DAPP1: variants seen among roughly 807,000 people sequenced by gnomAD.
The protein encoded by DAPP1 is dual adapter for phosphotyrosine and 3-phosphotyrosine and 3-phosphoinositide.
DAPP1 carries 20 observed loss-of-function variants against 41.5 expected under a neutral mutation model. That is an observed-to-expected ratio of 0.48 (90% CI 0.34 to 0.70). The LOEUF is 0.70. Among genes scored for constraint, DAPP1 ranks in the 30% least tolerant of loss-of-function variants. DAPP1 has a pLI of 0.01. For synonymous variants in DAPP1, 113 were observed against 116.2 expected (o/e 0.97, Z 0.18); for missense variants, 233 against 333.4 (o/e 0.70, Z 2.35).
intron 6 of DAPP1, 45 bp from the exon 7 acceptor site, chr4:99,863,725 T>TG (rs1724321634): frequency 5.6e-6 from 7 of 1,242,202 alleles, no homozygotes; most frequent in Non-Finnish European, 4.5e-6. Flanking sequence ...TCTGTTTTTT[T>TG]TTTTTTTTTT....
At chr4:99,860,388 G>A (rs972180847) in intron 4 of DAPP1, among the ~76,000 whole-genome samples, 10 of 152,208 alleles carry the variant, frequency 6.6e-5, no homozygotes, top group African/African-American at 2.2e-4. Context: ...ATTTTAACCT[G>A]CAACAGCCCA....
chr4:99,841,199 C>A (rs550317655), intron 3 of DAPP1, among the ~76,000 whole-genome samples: 1 of 152,272 alleles, frequency 6.6e-6, no homozygotes, highest in East Asian at 1.9e-4. Context: ...ATAACACAAC[C>A]AGTTACCATG....
At chr4:99,819,904 C>G (rs1722708356) in intron 1 of DAPP1, among the ~76,000 whole-genome samples, 1 of 151,996 alleles carries the variant, frequency 6.6e-6, no homozygotes, top group South Asian at 2.1e-4. Context: ...CTTGCCTTTC[C>G]AGGACATATA....
At chr4:99,842,127 A>C (rs1257634853) in intron 3 of DAPP1, among the ~76,000 whole-genome samples, 1 of 152,208 alleles carries the variant, frequency 6.6e-6, no homozygotes, top group African/African-American at 2.4e-5. Context: ...GATGCGCCAA[A>C]ATAAAGATGT....
chr4:99,837,649 G>A (rs1188628275), intron 2 of DAPP1, among the ~76,000 whole-genome samples: 1 of 152,182 alleles, frequency 6.6e-6, no homozygotes, highest in African/African-American at 2.4e-5. Context: ...CACATCAGAG[G>A]TCCTCAACCT....
rs542554584 is a variant in DAPP1, at chr4:99,816,909, C to T, written c.-5C>T. The stretch of plus-strand genomic sequence containing the variant: ...TCTCTCTCTCTACCTCTGTGAAGGG[C>T]GCGAATGGGCAGAGCAGAACTTCTA... On this transcript the variant is annotated 5_prime_UTR_variant, in exon 1 of 9. Transcript: ENST00000512369. 1.8e-5 allele frequency: 29 copies of T among 1,602,386 alleles called. No homozygotes were observed. The highest frequency in any genetic ancestry group is 1.5e-4 in the South Asian group (13 of 88,636).
chr4:99,866,527 A>G, intron 8 of DAPP1: 1 of 764,760 alleles, frequency 1.3e-6, no homozygotes, highest in Non-Finnish European at 2.4e-6. Flanking sequence ...CACTTAGCTT[A>G]GTTTCCAATG....
chr4:99,856,275 A>G (rs1248532361), intron 4 of DAPP1, among the ~76,000 whole-genome samples: 1 of 152,170 alleles, frequency 6.6e-6, no homozygotes, highest in Non-Finnish European at 1.5e-5. Context: ...AAGAAAAAGT[A>G]GGATAAGGGG....
At chr4:99,855,756 C>A (rs1724024158) in intron 4 of DAPP1, among the ~76,000 whole-genome samples, 1 of 152,162 alleles carries the variant, frequency 6.6e-6, no homozygotes, top group Non-Finnish European at 1.5e-5. Context: ...CCTTATTGAA[C>A]ACAAGTTCTA....
intron 3 of DAPP1, among the ~76,000 whole-genome samples, chr4:99,849,438 G>C (rs1255371911): frequency 6.6e-6 from 1 of 152,152 alleles, no homozygotes; most frequent in Non-Finnish European, 1.5e-5. Context: ...TCAAGTGGTA[G>C]GGATACAAAG....
downstream of DAPP1, among the ~76,000 whole-genome samples, chr4:99,871,349 G>T (rs1300081068): frequency 6.6e-6 from 1 of 152,034 alleles, no homozygotes; most frequent in Non-Finnish European, 1.5e-5. Context: ...ATGAATTCAG[G>T]CTGTCTGACC....
chr4:99,838,437 T>C (rs1194253677), intron 2 of DAPP1, among the ~76,000 whole-genome samples: 1 of 152,188 alleles, frequency 6.6e-6, no homozygotes, highest in African/African-American at 2.4e-5. Context: ...GCCACTTTGG[T>C]ACGTGTTGTA....
chr4:99,851,208 CAT>C (rs1414058458), intron 3 of DAPP1, among the ~76,000 whole-genome samples: 5 of 152,194 alleles, frequency 3.3e-5, no homozygotes, highest in South Asian at 4.1e-4. Flanking sequence ...CCCTTCTCCT[CAT>C]ATGACTGGAT....
At position 99,861,644 on chromosome 4, in the gene DAPP1, G is replaced by T; in HGVS notation, c.537+19G>T. ...GGTCAAGGTAAGGAAGTGTGGTTTTGCTCATGCCAGCCACAGAAAAAAGAG... is the reference window on the plus strand; with the variant it reads ...GGTCAAGGTAAGGAAGTGTGGTTTTTCTCATGCCAGCCACAGAAAAAAGAG... On this transcript the variant is annotated intron_variant, in intron 5 of 8. Coordinates refer to ENST00000512369, the MANE Select transcript of DAPP1 (RefSeq NM_014395.3). The T allele has an allele frequency of 6.4e-7, 1 of 1,564,114 alleles. No individual in the cohort carries two copies. Among genetic ancestry groups the T allele is most frequent in the South Asian group, 1.2e-5 (1 of 84,962 alleles).
intron 4 of DAPP1, among the ~76,000 whole-genome samples, chr4:99,858,449 C>T (rs997043735): frequency 6.6e-6 from 1 of 152,190 alleles, no homozygotes; most frequent in African/African-American, 2.4e-5. Context: ...TCAGATGGAA[C>T]ACAATTGCAA....
intron 5 of DAPP1, among the ~76,000 whole-genome samples, chr4:99,861,932 G>C (rs556610084): frequency 6.6e-6 from 1 of 152,122 alleles, no homozygotes; most frequent in African/African-American, 2.4e-5. Flanking sequence ...AACATCTTTC[G>C]TTCTTCTTCT....
chr4:99,870,067 T>G lies in DAPP1; in HGVS notation c.*1882T>G, dbSNP rs1003493980. On this transcript the variant is annotated 3_prime_UTR_variant, in exon 9 of 9. Transcript: ENST00000512369. ...TGGGTAATATTGTGTTTTACTATGT[T>G]TACCTTTTATAAAACATAACCTGTT... The G allele has an allele frequency of 2.6e-5, 4 of 152,226 alleles. No individual in the cohort carries two copies. Among genetic ancestry groups the G allele is most frequent in the African/African-American group, 9.6e-5 (4 of 41,464 alleles). 9.4% of individuals were successfully genotyped at this position (152,226 alleles called of 1,614,324 possible). A position where few individuals can be genotyped will look rare whatever the true frequency, so the allele number is the denominator to read the frequency against.
chr4:99,854,935 T>C lies in DAPP1; in HGVS notation c.489+1587T>C, dbSNP rs2110160176. 2.6e-5 allele frequency among the ~76,000 whole-genome samples: 4 copies of C among 152,350 alleles called. No individual in the cohort carries two copies. The Middle Eastern group carries it at 0.014, about 518-fold the overall frequency. On this transcript the variant is annotated intron_variant, in intron 4 of 8. Transcript: ENST00000512369. ...TGAATCATTGCTTGTCCTTGCAGCTTTACAGCCTAGCCTGGCTCATGGCAC... is the reference window on the plus strand; with the variant it reads ...TGAATCATTGCTTGTCCTTGCAGCTCTACAGCCTAGCCTGGCTCATGGCAC...
In DAPP1 at chr4:99,868,355, T is replaced by TGCCCTTCCATGATGTTGCC. The variant is rs1724535970; in HGVS notation, c.*171_*189dup. 1.6e-6 allele frequency: 1 copy of TGCCCTTCCATGATGTTGCC among 619,504 alleles called. No individual in the cohort carries two copies. The highest frequency in any genetic ancestry group is 2.9e-6 in the Non-Finnish European group (1 of 349,682). 38.4% of individuals were successfully genotyped at this position (619,504 alleles called of 1,614,324 possible). A position where few individuals can be genotyped will look rare whatever the true frequency, so the allele number is the denominator to read the frequency against. On this transcript the variant is annotated 3_prime_UTR_variant, in exon 9 of 9. Transcript: ENST00000512369. ...ATACCACGTTGCTGACTCACGTTGC[T>TGCCCTTCCATGATGTTGCC]GCCCTTCCATGATGTTGCCATCTCC...
Sources: gnomAD v4.1 joint callset for allele counts (sites outside exome capture counted in the v4.1 genomes callset) on GRCh38, gnomAD v4.1.1 for gene constraint, MANE v1.5 for transcripts, NCBI Gene and HGNC (gene_info 2026-07-23, HGNC 2026-07-21) for gene names.